The following DAB2IP variants were observed in gnomAD, a reference collection of about 807,000 sequenced individuals.
DAB2IP encodes DAB2 interacting protein.
In DAB2IP, 28 loss-of-function variants were observed where a neutral mutation model predicts 107.2. The observed-to-expected ratio is 0.26, with a 90% CI of 0.19 to 0.36. The LOEUF (loss-of-function observed/expected upper bound fraction) is 0.36, where lower values mean the gene tolerates loss of function less well. Ranked by LOEUF, DAB2IP falls within the 10% of genes least tolerant of loss-of-function variation. DAB2IP has a pLI of 1.00. For synonymous variants in DAB2IP, 755 were observed against 706.4 expected (o/e 1.07, Z -1.09); for missense variants, 1,400 against 1,644.7 (o/e 0.85, Z 2.57).
At chr9:121,580,067 T>C (rs1830157039) in intron 1 of DAB2IP, among the ~76,000 whole-genome samples, 1 of 152,094 alleles carries the variant, frequency 6.6e-6, no homozygotes. Context: ...GGCAATGGAA[T>C]GTATAAACCC....
At chr9:121,688,679 A>G (rs939436376) in intron 2 of DAB2IP, among the ~76,000 whole-genome samples, 1 of 152,122 alleles carries the variant, frequency 6.6e-6, no homozygotes, top group Non-Finnish European at 1.5e-5. Context: ...GACGGTGGTC[A>G]CCTTCTCAAG....
In DAB2IP at chr9:121,701,433, C is replaced by T. The variant is rs530855794; in HGVS notation, c.362+1975C>T. On this transcript the variant is annotated intron_variant, in intron 3 of 15. Coordinates refer to ENST00000408936, the Ensembl canonical transcript of DAB2IP. The surrounding 1 kb of genome is among the most constrained non-coding windows in gnomAD (Gnocchi z 4.7). ...GCCTGTTTCTGGAAACAGTAGGAAA[C>T]GGTAGCGGTTGGAGCAGAATGTCAC... Among the ~76,000 whole-genome samples the T allele has an allele frequency of 5.3e-5, 8 of 152,264 alleles. No individual in the cohort carries two copies. The East Asian group carries it at 1.4e-3, about 26-fold the overall frequency.
rs537540386 is a variant in DAB2IP at position 121,683,568 on chromosome 9, AAGG to A, written c.228+4790_228+4792del. ...CAGGGCTATTTTTTGCGAGATGGAG[AAGG>A]AGAAGTGTCAGGGAGGGGAAGGCCC... On this transcript the variant is annotated intron_variant, in intron 2 of 15. Coordinates refer to ENST00000408936, the Ensembl canonical transcript of DAB2IP. Among the ~76,000 whole-genome samples, 197 of 152,302 alleles carry A rather than the reference AAGG, an allele frequency of 1.3e-3. 5 individuals carry two copies. In the South Asian group the frequency reaches 0.039, roughly 30 times the overall value.
intron 1 of DAB2IP, among the ~76,000 whole-genome samples, chr9:121,645,175 C>T (rs1832494203): frequency 1.3e-5 from 2 of 152,184 alleles, no homozygotes; most frequent in South Asian, 4.1e-4. Flanking sequence ...GTCACTGGGG[C>T]CCAGGGCCCA....
Position 121,782,940 on chromosome 9 carries a change from C to T in DAB2IP, c.*442C>T, listed in dbSNP as rs1163274324. ...GCTTCCCCTCGCCTCCTTGGGGGGC[C>T]CGGGACTCCCTGGCAGCCAGGCCCT... On this transcript the variant is annotated 3_prime_UTR_variant, in exon 16 of 16. Transcript: ENST00000408936. This position sits in a 1 kb window ranked among gnomAD's most constrained non-coding sequence, Gnocchi z 6.1. 3 of 1,019,382 alleles carry T rather than the reference C, an allele frequency of 2.9e-6. No homozygotes were observed. Among genetic ancestry groups the T allele is most frequent in the East Asian group, 1.8e-4 (2 of 10,940 alleles). 63.1% of individuals were successfully genotyped at this position (1,019,382 alleles called of 1,614,324 possible). A position where few individuals can be genotyped will look rare whatever the true frequency, so the allele number is the denominator to read the frequency against.
At chr9:121,747,365 T>C (rs1487462263) in intron 3 of DAB2IP, among the ~76,000 whole-genome samples, 1 of 135,546 alleles carries the variant, frequency 7.4e-6, no homozygotes, top group Non-Finnish European at 1.6e-5. Flanking sequence ...TTTTTTCCCC[T>C]GAGACAGAGT....
At chr9:121,703,449 G>A (rs1829886866) in intron 3 of DAB2IP, among the ~76,000 whole-genome samples, 1 of 152,106 alleles carries the variant, frequency 6.6e-6, no homozygotes, top group South Asian at 2.1e-4. Context: ...GTGCAGTTTA[G>A]ACAATTGCCA....
At chr9:121,703,662 T>G (rs1377096289) in intron 3 of DAB2IP, among the ~76,000 whole-genome samples, 6 of 152,224 alleles carry the variant, frequency 3.9e-5, no homozygotes. Context: ...CATTTAACAC[T>G]GGGTCTTGCA....
exon 12 of DAB2IP, chr9:121,773,480 G>A (rs775423042): frequency 4.0e-6 from 6 of 1,512,754 alleles, no homozygotes; most frequent in Non-Finnish European, 5.3e-6. Context: ...TGAAGCCACG[G>A]GCAGTGCACA....
At chr9:121,724,623 G>A (rs1007056893) in intron 3 of DAB2IP, among the ~76,000 whole-genome samples, 2 of 152,244 alleles carry the variant, frequency 1.3e-5, no homozygotes, top group Admixed American at 1.3e-4. Context: ...CTGACAGAAA[G>A]TTGGTGAATG....
At chr9:121,784,469 T>C (rs1391700768) in exon 16 of DAB2IP, 2 of 153,250 alleles carry the variant, frequency 1.3e-5, no homozygotes, top group African/African-American at 4.8e-5. Context: ...GGCTACCCGC[T>C]GTGGCCGGTG....
intron 14 of DAB2IP, among the ~76,000 whole-genome samples, chr9:121,779,492 A>G (rs1253334064): frequency 2.0e-5 from 3 of 152,124 alleles, no homozygotes. Context: ...GTTCCTTTAA[A>G]TCCTTTCTGG....
chr9:121,708,252 T>C (rs777654254), intron 3 of DAB2IP, among the ~76,000 whole-genome samples: 2 of 152,228 alleles, frequency 1.3e-5, no homozygotes, highest in South Asian at 4.1e-4. Context: ...TGAAACCCGA[T>C]GTGTGAGTGG....
At chr9:121,748,613 T>G (rs1832884023) in intron 3 of DAB2IP, among the ~76,000 whole-genome samples, 1 of 152,238 alleles carries the variant, frequency 6.6e-6, no homozygotes, top group African/African-American at 2.4e-5. Flanking sequence ...TGCAGAGTTG[T>G]TGGGAGAAGG....
In DAB2IP at chr9:121,763,723, A is replaced by G. The variant is rs760111041; in HGVS notation, c.1316-12A>G. The G allele has an allele frequency of 3.7e-6, 6 of 1,613,320 alleles. No homozygotes were observed. The African/African-American group carries it at 4.0e-5, about 11-fold the overall frequency. On this transcript the variant is annotated splice_polypyrimidine_tract_variant and intron_variant, in intron 7 of 15. Transcript: ENST00000408936. ...GGTCCTCACTCCCCACTCCCTGCCC[A>G]CTTGTCCATAGGTGAGTTCATCAAA...
At chr9:121,639,384 G>T (rs145231165) in intron 1 of DAB2IP, among the ~76,000 whole-genome samples, 1 of 152,352 alleles carries the variant, frequency 6.6e-6, no homozygotes, top group Admixed American at 6.5e-5. Context: ...TGGCTGTATT[G>T]CCTCAGATGG....
intron 1 of DAB2IP, among the ~76,000 whole-genome samples, chr9:121,669,594 A>G (rs1833592168): frequency 6.6e-6 from 1 of 152,162 alleles, no homozygotes; most frequent in African/African-American, 2.4e-5. Flanking sequence ...AGGCAAGTCT[A>G]TAACTGTGTA....
intron 1 of DAB2IP, among the ~76,000 whole-genome samples, chr9:121,618,911 T>G (rs1191416453): frequency 6.6e-6 from 1 of 152,170 alleles, no homozygotes; most frequent in Non-Finnish European, 1.5e-5. Context: ...ATTTTGGTGT[T>G]GTAGAAGTAC....
rs894636272 is a variant in DAB2IP at position 121,699,305 on chromosome 9, T to G, written c.229-20T>G. Reference sequence around the variant, plus strand: ...CGCTAACCCCGCCTCCCCTTCCCCCTCTTGTCCCCCCGTGCGCAGGGCTTC... The same window carrying G: ...CGCTAACCCCGCCTCCCCTTCCCCCGCTTGTCCCCCCGTGCGCAGGGCTTC... On this transcript the variant is annotated intron_variant, in intron 2 of 15. Transcript: ENST00000408936. This position sits in a 1 kb window ranked among gnomAD's most constrained non-coding sequence, Gnocchi z 6.2. The G allele has an allele frequency of 1.5e-5, 17 of 1,139,942 alleles. No individual in the cohort carries two copies. Among genetic ancestry groups the G allele is most frequent in the African/African-American group, 1.2e-4 (6 of 50,738 alleles). 70.6% of individuals were successfully genotyped at this position (1,139,942 alleles called of 1,614,324 possible). A position where few individuals can be genotyped will look rare whatever the true frequency, so the allele number is the denominator to read the frequency against.
Sources: gnomAD v4.1 joint callset for allele counts (sites outside exome capture counted in the v4.1 genomes callset) on GRCh38, gnomAD v4.1.1 for gene constraint, Gnocchi (gnomAD v3.1) non-coding constraint, MANE v1.5 for transcripts, NCBI Gene and HGNC (gene_info 2026-07-23, HGNC 2026-07-21) for gene names.